STATH: variants seen among roughly 807,000 people sequenced by gnomAD.
STATH encodes the protein statherin.
STATH carries 11 observed loss-of-function variants against 13.3 expected under a neutral mutation model. The ratio of observed to expected loss-of-function variants is 0.83; its 90% CI spans 0.52 to 1.37. The LOEUF (loss-of-function observed/expected upper bound fraction) is 1.37. Among genes scored for constraint, STATH ranks in the 40% most tolerant of loss-of-function variants. The pLI is 0.00. For synonymous variants in STATH, 25 were observed against 23.6 expected, an observed-to-expected ratio of 1.06 and a Z score of -0.17; for missense variants, 78 against 73.3, an observed-to-expected ratio of 1.06 and a Z score of -0.24.
chr4:69,996,835 T>G (rs1450650100), intron 1 of STATH, among the ~76,000 whole-genome samples: 2 of 151,224 alleles, frequency 1.3e-5, no homozygotes, highest in Non-Finnish European at 2.9e-5. Flanking sequence ...TTTTGCATCA[T>G]AAAATGACTG....
chr4:69,998,589 A>G lies in STATH; in HGVS notation c.51+101A>G, dbSNP rs1578160500. On this transcript the variant is annotated intron_variant, in intron 2 of 5. Transcript: ENST00000246895. The stretch of plus-strand genomic sequence containing the variant: ...CATATATTGGTGTTTACTTGAATAC[A>G]GCTTTATATGTTTAAATGTTTCCAT... 4 of 997,442 alleles carry G rather than the reference A, an allele frequency of 4.0e-6. No homozygotes were observed. In the East Asian group the frequency reaches 7.4e-5, roughly 18 times the overall value. The allele number at this position is 997,442 out of a possible 1,614,324, so 61.8% of individuals were successfully genotyped here.
At chr4:69,997,581 GT>G (rs745895680) in intron 1 of STATH, among the ~76,000 whole-genome samples, 30 of 151,966 alleles carry the variant, frequency 2.0e-4, no homozygotes, top group Admixed American at 9.8e-4. Context: ...ATAATCTAAC[GT>G]TTTTTGTTTA....
intron 1 of STATH, among the ~76,000 whole-genome samples, chr4:69,996,524 A>G (rs1380859466): frequency 2.6e-5 from 4 of 152,146 alleles, no homozygotes; most frequent in Non-Finnish European, 5.9e-5. Flanking sequence ...CATTCTGCAT[A>G]ATAAAAAATG....
At chr4:69,998,325 T>C in intron 1 of STATH, 98 bp from the exon 2 acceptor site, 3 of 783,202 alleles carry the variant, frequency 3.8e-6, no homozygotes, top group Non-Finnish European at 6.3e-6. Flanking sequence ...CTATCTGGAG[T>C]GTGTCTCCCA....
intron 5 of STATH, among the ~76,000 whole-genome samples, chr4:70,001,984 A>G (rs1475015791): frequency 2.6e-5 from 4 of 151,826 alleles, no homozygotes; most frequent in Non-Finnish European, 4.4e-5. Flanking sequence ...TTTAAATTGT[A>G]GATGCTGAAT....
At chr4:70,000,514 G>A (rs1253827804) in intron 4 of STATH, 1 of 198,264 alleles carries the variant, frequency 5.0e-6, no homozygotes, top group Non-Finnish European at 1.0e-5. Flanking sequence ...TTTAGTAAAT[G>A]TCTCCTTCCC....
At chr4:69,999,055 T>A (rs2109681813) in intron 2 of STATH, 1 of 152,598 alleles carries the variant, frequency 6.6e-6, no homozygotes, top group Non-Finnish European at 1.5e-5. Flanking sequence ...GGTAAAGCAC[T>A]TGACTTCTCT....
intron 3 of STATH, 43 bp from the exon 4 acceptor site, chr4:69,999,737 T>G: frequency 6.2e-7 from 1 of 1,611,550 alleles, no homozygotes; most frequent in Non-Finnish European, 8.5e-7. Flanking sequence ...TTGTCCTCCC[T>G]ACATTTGTAT....
intron 1 of STATH, among the ~76,000 whole-genome samples, chr4:69,998,074 C>T (rs1032783207): frequency 6.6e-6 from 1 of 152,034 alleles, no homozygotes; most frequent in Non-Finnish European, 1.5e-5. Flanking sequence ...ATGGTATCCT[C>T]CCTCTTTTTC....
At chr4:70,000,375 A>G (rs1724623734) in intron 4 of STATH, 1 of 159,206 alleles carries the variant, frequency 6.3e-6, no homozygotes, top group Non-Finnish European at 1.4e-5. Flanking sequence ...ACACCAAATA[A>G]AAAGATACTC....
intron 4 of STATH, chr4:70,000,644 CTG>C: frequency 2.1e-6 from 1 of 466,712 alleles, no homozygotes; most frequent in Non-Finnish European, 3.8e-6. Flanking sequence ...AACCACAAAA[CTG>C]TGAACATGCA....
intron 2 of STATH, chr4:69,999,070 C>T (rs1244045095): frequency 6.6e-6 from 1 of 152,370 alleles, no homozygotes; most frequent in African/African-American, 2.4e-5. Flanking sequence ...TTCTCTGGAG[C>T]TCTTTCTTCT....
intron 1 of STATH, among the ~76,000 whole-genome samples, chr4:69,998,122 T>C (rs776825): frequency 0.96 from 146,545 of 152,150 alleles, 70,607 homozygotes; most frequent in South Asian, 0.99. Context: ...TTACTCATCC[T>C]GCATAATCCA....
intron 1 of STATH, among the ~76,000 whole-genome samples, chr4:69,997,581 G>GT (rs745895680): frequency 6.6e-6 from 1 of 151,966 alleles, no homozygotes; most frequent in Non-Finnish European, 1.5e-5. Context: ...ATAATCTAAC[G>GT]TTTTTTGTTT....
In STATH at chr4:69,996,595, A is replaced by C. The variant is rs964179214; in HGVS notation, c.-16+570A>C. 2.0e-5 allele frequency among the ~76,000 whole-genome samples: 3 copies of C among 151,978 alleles called. 1 individual carries two copies. The highest frequency in any genetic ancestry group is 2.0e-4 in the Admixed American group (3 of 15,236). On this transcript the variant is annotated intron_variant, in intron 1 of 5. Transcript: ENST00000246895. Reference sequence around the variant, plus strand: ...TATATTACTTAAGTTGTTTTCATTCAGTTGTGATATGGCAGAAAACAAAGA... The same window carrying C: ...TATATTACTTAAGTTGTTTTCATTCCGTTGTGATATGGCAGAAAACAAAGA...
intron 4 of STATH, 37 bp downstream of exon 4, chr4:69,999,846 A>T: frequency 6.2e-7 from 1 of 1,606,314 alleles, no homozygotes; most frequent in Non-Finnish European, 8.5e-7. Flanking sequence ...AGTCCAAATA[A>T]ATTGTGTTCT....
rs1192708867 is a variant in STATH, at chr4:70,002,194, A to C, written c.*39A>C. On this transcript the variant is annotated 3_prime_UTR_variant, in exon 6 of 6. Coordinates refer to ENST00000246895, the MANE Select transcript of STATH (RefSeq NM_003154.3). ...ATTTTTTTTTTTCTGTGCAGGCTTG[A>C]TTGGCAAATACGACTTCTACATCCA... The C allele has an allele frequency of 6.6e-6, 1 of 151,224 alleles. No individual in the cohort carries two copies. Among genetic ancestry groups the C allele is most frequent in the African/African-American group, 2.4e-5 (1 of 41,234 alleles). 9.4% of individuals were successfully genotyped at this position (151,224 alleles called of 1,614,324 possible). A position where few individuals can be genotyped will look rare whatever the true frequency, so the allele number is the denominator to read the frequency against.
chr4:69,997,785 A>T (rs1578159986), intron 1 of STATH, among the ~76,000 whole-genome samples: 2 of 152,104 alleles, frequency 1.3e-5, no homozygotes, highest in Admixed American at 1.3e-4. Flanking sequence ...CAGTATCATT[A>T]ATGTTCTAAT....
chr4:69,998,076 C>T (rs753486154), intron 1 of STATH, among the ~76,000 whole-genome samples: 1 of 152,110 alleles, frequency 6.6e-6, no homozygotes, highest in African/African-American at 2.4e-5. Flanking sequence ...GGTATCCTCC[C>T]TCTTTTTCAT....
Sources: gnomAD v4.1 joint callset for allele counts (sites outside exome capture counted in the v4.1 genomes callset) on GRCh38, gnomAD v4.1.1 for gene constraint, MANE v1.5 for transcripts, NCBI Gene and HGNC (gene_info 2026-07-23, HGNC 2026-07-21) for gene names.